The following EIF4G3 variants were observed in gnomAD, a reference collection of about 807,000 sequenced individuals.
EIF4G3 encodes the protein eukaryotic translation initiation factor 4 gamma 3.
EIF4G3 carries 34 observed loss-of-function variants against 186.4 expected under a neutral mutation model. The observed-to-expected ratio is 0.18, with a 90% confidence interval of 0.14 to 0.24. The LOEUF is 0.24. Ranked by LOEUF, EIF4G3 falls within the 10% of genes least tolerant of loss-of-function variation. The pLI is 1.00. For missense variants in EIF4G3, 1,536 were observed against 1,948.5 expected (o/e 0.79, Z 3.99); for synonymous variants, 673 against 679.5 (o/e 0.99, Z 0.15).
intron 33 of EIF4G3, among the ~76,000 whole-genome samples, chr1:20,822,332 CTT>C (rs2062599466): frequency 7.8e-6 from 1 of 128,254 alleles, no homozygotes; most frequent in South Asian, 2.7e-4. Flanking sequence ...AGGTTTATCA[CTT>C]TTATCTTCTC....
In EIF4G3 at chr1:20,892,823, T is replaced by C. The variant is rs1349516470; in HGVS notation, c.2253+694A>G. 2.7e-5 allele frequency: 23 copies of C among 859,882 alleles called. 1 individual carries two copies. Among genetic ancestry groups the C allele is most frequent in the Non-Finnish European group, 3.9e-5 (22 of 563,076 alleles). The allele number at this position is 859,882 out of a possible 1,614,324, so 53.3% of individuals were successfully genotyped here. ...ACCTCAAAACAAAACAGGAATCTTA[T>C]CAAGGTTGGCTCGCTCTGTATATAT... On this transcript the variant is annotated intron_variant, in intron 18 of 36. Transcript: ENST00000602326.
chr1:21,067,952 A>G (rs1438930490), intron 3 of EIF4G3, among the ~76,000 whole-genome samples: 1 of 152,024 alleles, frequency 6.6e-6, no homozygotes, highest in African/African-American at 2.4e-5. Context: ...ATAAAATAAA[A>G]AAAGAAAACC....
chr1:20,992,778 T>G (rs1351985634), intron 7 of EIF4G3, among the ~76,000 whole-genome samples: 2 of 152,148 alleles, frequency 1.3e-5, no homozygotes, highest in African/African-American at 4.8e-5. Flanking sequence ...CAACACTTGA[T>G]CTCTATTGTG....
intron 17 of EIF4G3, 75 bp downstream of exon 17, chr1:20,895,293 C>G: frequency 2.7e-6 from 4 of 1,494,768 alleles, no homozygotes; most frequent in Non-Finnish European, 2.7e-6. Context: ...ACTGCTCATA[C>G]TTCACATATT....
chr1:21,001,094 A>G (rs866383031), intron 6 of EIF4G3, 105 bp downstream of exon 6: 3 of 426,302 alleles, frequency 7.0e-6, no homozygotes, highest in Middle Eastern at 3.5e-4. Context: ...GAGAGGAAGC[A>G]ATCAATGCAT....
At chr1:20,855,405 A>C (rs774212775) in intron 25 of EIF4G3, among the ~76,000 whole-genome samples, 10 of 152,234 alleles carry the variant, frequency 6.6e-5, no homozygotes, top group Non-Finnish European at 1.3e-4. Flanking sequence ...AATTTTAAAA[A>C]TAAAAAATAC....
intron 1 of EIF4G3, 130 bp from the exon 2 acceptor site, chr1:21,176,488 G>T: frequency 5.8e-6 from 1 of 173,214 alleles, no homozygotes; most frequent in South Asian, 1.7e-4. Context: ...GGCAGACCCG[G>T]GGAGGCGGCG....
intron 19 of EIF4G3, among the ~76,000 whole-genome samples, chr1:20,885,130 C>T (rs976067483): frequency 6.6e-6 from 1 of 152,152 alleles, no homozygotes; most frequent in African/African-American, 2.4e-5. Context: ...CTTTTGCCAC[C>T]ACTTACCTCC....
chr1:20,894,181 T>C (rs6704421), intron 17 of EIF4G3, among the ~76,000 whole-genome samples: 1 of 151,998 alleles, frequency 6.6e-6, no homozygotes, highest in Non-Finnish European at 1.5e-5. Flanking sequence ...GATATCTGAC[T>C]TTGAATAAGC....
chr1:20,941,143 G>GTTTTT, intron 14 of EIF4G3: 2 of 1,356,232 alleles, frequency 1.5e-6, no homozygotes, highest in Non-Finnish European at 2.0e-6. Context: ...GACCATCCTG[G>GTTTTT]TTTTTTGTTT....
chr1:21,099,639 C>T (rs1048273973), intron 2 of EIF4G3, among the ~76,000 whole-genome samples: 1 of 152,134 alleles, frequency 6.6e-6, no homozygotes, highest in Admixed American at 6.6e-5. Flanking sequence ...GAAAGCAGAT[C>T]AGTGCTTGCC....
intron 4 of EIF4G3, among the ~76,000 whole-genome samples, chr1:21,022,507 A>G (rs2090975171): frequency 6.6e-6 from 1 of 152,210 alleles, no homozygotes; most frequent in South Asian, 2.1e-4. Flanking sequence ...TCCTGTTCAC[A>G]GTAACACAGT....
intron 12 of EIF4G3, among the ~76,000 whole-genome samples, chr1:20,954,451 G>C (rs2096336041): frequency 6.9e-6 from 1 of 145,198 alleles, no homozygotes; most frequent in Non-Finnish European, 1.5e-5. Context: ...CAGGAGAATT[G>C]CTTGAACTCG....
chr1:20,928,241 G>T (rs2095061604), intron 14 of EIF4G3, among the ~76,000 whole-genome samples: 1 of 152,068 alleles, frequency 6.6e-6, no homozygotes, highest in Non-Finnish European at 1.5e-5. Context: ...TACAACAATA[G>T]CATGTGTCAA....
intron 4 of EIF4G3, among the ~76,000 whole-genome samples, chr1:21,023,394 G>T (rs528764772): frequency 6.7e-6 from 1 of 149,492 alleles, no homozygotes; most frequent in Non-Finnish European, 1.5e-5. Context: ...TCAGCCTGCC[G>T]AGTGCCTGCG....
chr1:21,035,606 C>G (rs2093128402), intron 4 of EIF4G3, among the ~76,000 whole-genome samples: 1 of 152,242 alleles, frequency 6.6e-6, no homozygotes, highest in African/African-American at 2.4e-5. Context: ...CGCTGGGTCC[C>G]TTCCAGCTTG....
chr1:20,969,869 G>C (rs1040808551), intron 11 of EIF4G3, among the ~76,000 whole-genome samples: 4 of 152,096 alleles, frequency 2.6e-5, no homozygotes, highest in African/African-American at 4.8e-5. Context: ...TACTTGTTTT[G>C]TAAGAACCTG....
intron 19 of EIF4G3, among the ~76,000 whole-genome samples, chr1:20,885,338 T>A (rs1314656041): frequency 1.3e-5 from 2 of 152,250 alleles, no homozygotes; most frequent in Non-Finnish European, 2.9e-5. Flanking sequence ...TCATTTAATC[T>A]TAACACTGGC....
intron 20 of EIF4G3, among the ~76,000 whole-genome samples, chr1:20,865,489 A>T (rs2077352352): frequency 6.6e-6 from 1 of 152,036 alleles, no homozygotes; most frequent in Non-Finnish European, 1.5e-5. Flanking sequence ...TTTTTTAGCC[A>T]TGCTACTAGC....
Sources: allele counts gnomAD v4.1 joint callset (sites outside exome capture counted in the v4.1 genomes callset), GRCh38; gene constraint gnomAD v4.1.1; transcripts MANE v1.5; gene names NCBI Gene and HGNC (gene_info 2026-07-23, HGNC 2026-07-21).